KIF17: variants seen among roughly 807,000 people sequenced by gnomAD.
The protein encoded by KIF17 is kinesin family member 17.
In KIF17, 80 loss-of-function variants were observed where a neutral mutation model predicts 96.8. The ratio of observed to expected loss-of-function variants is 0.83; its 90% CI spans 0.69 to 1.00. KIF17 has a LOEUF of 1.00. Among genes scored for constraint, KIF17 ranks in the 50% least tolerant of loss-of-function variants. KIF17 has a pLI of 0.00. For synonymous variants in KIF17, 567 were observed against 587.5 expected (o/e 0.97, Z 0.51); for missense variants, 1,280 against 1,372.9 (o/e 0.93, Z 1.07).
At chr1:20,665,752 C>T (rs2053515848) in intron 14 of KIF17, among the ~76,000 whole-genome samples, 1 of 152,172 alleles carries the variant, frequency 6.6e-6, no homozygotes. Flanking sequence ...GCTTTGCTTT[C>T]AGTTTTAAAA....
At position 20,687,996 on chromosome 1, in the gene KIF17, C is replaced by G. The variant is rs1341198548; in HGVS notation, c.1382-52G>C. 6 of 1,509,624 alleles carry G rather than the reference C, an allele frequency of 4.0e-6. No homozygotes were observed. In the African/African-American group the frequency reaches 5.5e-5, roughly 14 times the overall value. 93.5% of individuals were successfully genotyped at this position (1,509,624 alleles called of 1,614,324 possible). A position where few individuals can be genotyped will look rare whatever the true frequency, so the allele number is the denominator to read the frequency against. On this transcript the variant is annotated intron_variant, in intron 7 of 14. Transcript: ENST00000400463. The surrounding 1 kb of genome is among the most constrained non-coding windows in gnomAD (Gnocchi z 4.4). ...TTTTTAAAGGGTCAGAATGAGAGAC[C>G]CTTCCCTAGAAGGTGGCTCCAAGCC... is the stretch of plus-strand genomic sequence containing the variant.
At chr1:20,714,419 G>A (rs935660777) in intron 2 of KIF17, among the ~76,000 whole-genome samples, 1 of 152,208 alleles carries the variant, frequency 6.6e-6, no homozygotes, top group Non-Finnish European at 1.5e-5. Flanking sequence ...GAACCCGGGA[G>A]GCAGAGGTTG....
chr1:20,677,635 C>G (rs1570439161), intron 11 of KIF17, among the ~76,000 whole-genome samples: 2 of 152,274 alleles, frequency 1.3e-5, no homozygotes, highest in East Asian at 3.9e-4. Flanking sequence ...GGGTGGATCA[C>G]CTGAGATCAG....
chr1:20,711,197 G>A (rs2054429287), intron 3 of KIF17, among the ~76,000 whole-genome samples: 5 of 152,294 alleles, frequency 3.3e-5, no homozygotes, highest in Admixed American at 2.6e-4. Flanking sequence ...ACGGTTCTGC[G>A]GGTACTCAGT....
In KIF17 at chr1:20,664,649, C is replaced by G. The variant is rs780045651; in HGVS notation, c.3022G>C (p.Asp1008His). ...CGCTTGGCCTTGGTGAAAGGGATGT[C>G]GAGGGACTCGAGGCGGAAGGGCCGG... ...QPRPFRLESL[D>H]IPFTKAKRKK... Residue 1008 changes from aspartate (D) to histidine (H), a missense_variant, in exon 15 of 15, where the codon GAC (aspartate) becomes CAC (histidine). Transcript: ENST00000400463. 1.5e-6 allele frequency: 2 copies of G among 1,345,092 alleles called. No homozygotes were observed. The highest frequency in any genetic ancestry group is 3.4e-5 in the African/African-American group (2 of 58,232). The allele number at this position is 1,345,092 out of a possible 1,614,324, so 83.3% of individuals were successfully genotyped here. A position where few individuals can be genotyped will look rare whatever the true frequency, so the allele number is the denominator to read the frequency against.
At chr1:20,706,148 A>ATC (rs1466949885) in intron 4 of KIF17, among the ~76,000 whole-genome samples, 1 of 151,010 alleles carries the variant, frequency 6.6e-6, no homozygotes, top group Non-Finnish European at 1.5e-5. Context: ...TCAAGTGATC[A>ATC]TCCTGCCTTG....
chr1:20,713,252 T>TC (rs559796760), intron 3 of KIF17, among the ~76,000 whole-genome samples: 128 of 147,418 alleles, frequency 8.7e-4, no homozygotes, highest in African/African-American at 3.0e-3. Context: ...CACCTTGGCC[T>TC]CCCAAAGTGT....
Position 20,717,703 on chromosome 1 carries a change from C to G in KIF17, c.4G>C (p.Ala2Pro), listed in dbSNP as rs780706160. 9.5e-6 allele frequency: 15 copies of G among 1,582,504 alleles called. No individual in the cohort carries two copies. The highest frequency in any genetic ancestry group is 1.2e-5 in the Non-Finnish European group (14 of 1,171,004). The part of the protein sequence containing the change: M[A>P]SEAVKVVVRC... ...ACGACAACCTTCACCGCCTCGGAGGCCATGGCGCCGCGCCCAGGACCAACG... is the reference window on the plus strand; with the variant it reads ...ACGACAACCTTCACCGCCTCGGAGGGCATGGCGCCGCGCCCAGGACCAACG... Residue 2 changes from alanine to proline, a missense_variant, in exon 1 of 15, where the codon GCC (alanine) becomes CCC (proline). Physicochemically the swap from Ala to Pro is conservative, Grantham distance 27. Transcript: ENST00000400463.
chr1:20,663,077 A>G (rs2053465638), downstream of KIF17, among the ~76,000 whole-genome samples: 2 of 152,064 alleles, frequency 1.3e-5, no homozygotes, highest in Non-Finnish European at 2.9e-5. Context: ...CAAAAAATTT[A>G]GCCGGGCGTG....
intron 11 of KIF17, among the ~76,000 whole-genome samples, chr1:20,679,002 A>C (rs1241107535): frequency 2.6e-5 from 1 of 38,864 alleles, no homozygotes; most frequent in Admixed American, 2.9e-4. Flanking sequence ...CTTCCTTGGC[A>C]AAAAAAAAAA....
In KIF17 at chr1:20,687,361, C is replaced by T. The variant is rs774795568; in HGVS notation, c.1938+27G>A. 5 of 1,610,878 alleles carry T rather than the reference C, an allele frequency of 3.1e-6. No homozygotes were observed. The South Asian group carries it at 5.5e-5, about 18-fold the overall frequency. ...GCAAGCTCTGCCTGCTCAGTGTTCA[C>T]ATGGCACCATGCGTGACATCAGCTA... On this transcript the variant is annotated intron_variant, in intron 8 of 14. Transcript: ENST00000400463. The surrounding 1 kb of genome is among the most constrained non-coding windows in gnomAD (Gnocchi z 4.4).
rs1455934033 is a variant in KIF17, at chr1:20,672,516, C to T, written c.2464-320G>A. Among the ~76,000 whole-genome samples the T allele has an allele frequency of 6.6e-6, 1 of 152,156 alleles. No homozygotes were observed. The highest frequency in any genetic ancestry group is 1.5e-5 in the Non-Finnish European group (1 of 68,038). On this transcript the variant is annotated intron_variant, in intron 11 of 14. Coordinates refer to ENST00000400463, the MANE Select transcript of KIF17 (RefSeq NM_001122819.3). The surrounding 1 kb of genome is among the most constrained non-coding windows in gnomAD (Gnocchi z 4.3). Reference sequence around the variant, plus strand: ...TGATCAGCAATCCCAACAGCCAGCCCCTCAGTCACTATCTCCCATTGTACA... The same window carrying T: ...TGATCAGCAATCCCAACAGCCAGCCTCTCAGTCACTATCTCCCATTGTACA...
Position 20,709,521 on chromosome 1 carries a change from G to A in KIF17, c.670+118C>T. 8.8e-7 allele frequency: 1 copy of A among 1,131,672 alleles called. No homozygotes were observed. The highest frequency in any genetic ancestry group is 1.3e-6 in the Non-Finnish European group (1 of 753,986). The allele number at this position is 1,131,672 out of a possible 1,614,324, so 70.1% of individuals were successfully genotyped here. A position where few individuals can be genotyped will look rare whatever the true frequency, so the allele number is the denominator to read the frequency against. On this transcript the variant is annotated intron_variant, in intron 4 of 14. Coordinates refer to ENST00000400463, the MANE Select transcript of KIF17 (RefSeq NM_001122819.3). This position sits in a 1 kb window ranked among gnomAD's most constrained non-coding sequence, Gnocchi z 4.7. The stretch of plus-strand genomic sequence containing the variant: ...GGTCCTCTTGGGTTTCCTCCAGGCT[G>A]TTAGAGCATCTCTTCCCACTTTCCA...
intron 14 of KIF17, among the ~76,000 whole-genome samples, chr1:20,665,062 C>T (rs2053500947): frequency 6.6e-6 from 1 of 152,134 alleles, no homozygotes; most frequent in Non-Finnish European, 1.5e-5. Flanking sequence ...CCCAGCTCCA[C>T]TGCTTCCTAC....
chr1:20,716,539 C>T (rs753109825), intron 1 of KIF17, among the ~76,000 whole-genome samples: 7 of 152,294 alleles, frequency 4.6e-5, no homozygotes, highest in Middle Eastern at 3.4e-3. Context: ...GCTTTCCAGG[C>T]GGCAAAGACA....
At chr1:20,703,856 G>A (rs568177526) in intron 5 of KIF17, among the ~76,000 whole-genome samples, 50 of 152,046 alleles carry the variant, frequency 3.3e-4, no homozygotes, top group Non-Finnish European at 4.9e-4. Flanking sequence ...GCGTGAACCC[G>A]GGAGGCAGAG....
At chr1:20,695,939 AC>A (rs1047189471) in intron 6 of KIF17, among the ~76,000 whole-genome samples, 3 of 152,050 alleles carry the variant, frequency 2.0e-5, no homozygotes, top group Non-Finnish European at 4.4e-5. Flanking sequence ...GGCGGAGCTG[AC>A]CCCCAGCTCT....
rs2296225 is a variant in KIF17, at chr1:20,704,549, T to C, written c.1021A>G (p.Ile341Val). ...RAKNIRNKPR[I>V]NEDPKDALLR... is the part of the protein sequence containing the mutation. The stretch of plus-strand genomic sequence containing the variant: ...AGCGCATCCTTGGGGTCCTCATTGA[T>C]GCGCGGCTTGTTCCTGATGTTCTTG... Residue 341 changes from isoleucine (I) to valine (V), a missense_variant, in exon 5 of 15, where the codon ATC becomes GTC. Ile to Val is a conservative substitution (Grantham distance 29). Transcript: ENST00000400463. This position sits in a 1 kb window ranked among gnomAD's most constrained non-coding sequence, Gnocchi z 6.8. 0.1 allele frequency: 160,735 copies of C among 1,614,136 alleles called. 10,393 individuals carry two copies. Among genetic ancestry groups the C allele is most frequent in the East Asian group, 0.29 (13,087 of 44,860 alleles).
In KIF17 at chr1:20,664,312, G is replaced by T. The variant is rs908292759; in HGVS notation, c.*272C>A. 2.2e-6 allele frequency: 3 copies of T among 1,372,062 alleles called. No homozygotes were observed. The highest frequency in any genetic ancestry group is 2.8e-6 in the Non-Finnish European group (3 of 1,058,932). The allele number at this position is 1,372,062 out of a possible 1,614,324, so 85.0% of individuals were successfully genotyped here. A position where few individuals can be genotyped will look rare whatever the true frequency, so the allele number is the denominator to read the frequency against. On this transcript the variant is annotated 3_prime_UTR_variant, in exon 15 of 15. Coordinates refer to ENST00000400463, the MANE Select transcript of KIF17 (RefSeq NM_001122819.3). ...ACTGGTGGGCATGGGTGTGGGCTCT[G>T]TGGCAGGTGAGCAGACGGAAACACT...
Sources: gnomAD v4.1 joint callset for allele counts (sites outside exome capture counted in the v4.1 genomes callset) on GRCh38, gnomAD v4.1.1 for gene constraint, Gnocchi (gnomAD v3.1) non-coding constraint, MANE v1.5 for transcripts, NCBI Gene and HGNC (gene_info 2026-07-23, HGNC 2026-07-21) for gene names.